Variants in RASL10B observed in about 807,000 individuals in gnomAD.
RASL10B encodes the protein ras-like protein family member 10B.
A neutral mutation model predicts 20.7 loss-of-function variants in RASL10B; 10 were observed. The observed-to-expected ratio is 0.48, with a 90% confidence interval of 0.30 to 0.82. The LOEUF (loss-of-function observed/expected upper bound fraction) is 0.82. RASL10B is among the 40% of genes least tolerant of loss of function. The pLI is 0.07. For synonymous variants in RASL10B, 110 were observed against 123.3 expected (o/e 0.89, Z 0.72); for missense variants, 231 against 295.4 (o/e 0.78, Z 1.60).
chr17:35,733,450 T>C (rs1006157670), intron 1 of RASL10B, among the ~76,000 whole-genome samples: 42 of 152,226 alleles, frequency 2.8e-4, no homozygotes, highest in African/African-American at 9.9e-4. Context: ...CTGTATTTAC[T>C]ATGCTGTGTG....
rs782064640 is a variant in RASL10B at position 35,735,222 on chromosome 17, G to A, written c.38G>A (p.Arg13Gln). The change falls in exon 2 of 4, where the codon CGA becomes CAA. Residue 13 changes from arginine (R) to glutamine (Q), a missense_variant. Arg to Gln is a conservative substitution (Grantham distance 43). Transcript: ENST00000603017. This position sits in a 1 kb window ranked among gnomAD's most constrained non-coding sequence, Gnocchi z 6.7. ...TACCGGGTGGCCGTGCTGGGGGCGC[G>A]AGGTGTGGGCAAGAGTGCCATCGTG... ...STYRVAVLGA[R>Q]GVGKSAIVRQ... The A allele has an allele frequency of 9.9e-6, 16 of 1,612,542 alleles. No individual in the cohort carries two copies. The highest frequency in any genetic ancestry group is 6.6e-5 in the South Asian group (6 of 91,090).
Position 35,736,410 on chromosome 17 carries a change from A to C in RASL10B, c.216+1010A>C, listed in dbSNP as rs369111838. On this transcript the variant is annotated intron_variant, in intron 2 of 3. Transcript: ENST00000603017. ...TGGGCTGGGAGATGGCGGGCAGCTC[A>C]GCACTCAGCACTCTCGGCAACACCA... 7.6e-4 allele frequency among the ~76,000 whole-genome samples: 116 copies of C among 152,338 alleles called. 1 individual carries two copies. The highest frequency in any genetic ancestry group is 2.7e-3 in the African/African-American group (113 of 41,578).
rs1477634097 is a variant in RASL10B, at chr17:35,742,197, G to GCAAT, written c.*894_*897dup. Reference sequence around the variant, plus strand: ...AGTCCTTTATTCCCTTCTGCATACTGCAATCTGATCTGTCAGACTGGGGAA... The same window carrying GCAAT: ...AGTCCTTTATTCCCTTCTGCATACTGCAATCAATCTGATCTGTCAGACTGGGGAA... On this transcript the variant is annotated 3_prime_UTR_variant, in exon 4 of 4. Transcript: ENST00000603017. 5 of 151,980 alleles carry GCAAT rather than the reference G, an allele frequency of 3.3e-5. No individual in the cohort carries two copies. Among genetic ancestry groups the GCAAT allele is most frequent in the South Asian group, 2.1e-4 (1 of 4,812 alleles). 9.4% of individuals were successfully genotyped at this position (151,980 alleles called of 1,614,324 possible). A position where few individuals can be genotyped will look rare whatever the true frequency, so the allele number is the denominator to read the frequency against.
At chr17:35,739,367 G>A (rs182367538) in intron 2 of RASL10B, among the ~76,000 whole-genome samples, 18 of 152,290 alleles carry the variant, frequency 1.2e-4, no homozygotes, top group African/African-American at 4.3e-4. Context: ...GTCCTTGGAG[G>A]CCTCTGTCCC....
At position 35,735,377 on chromosome 17, in the gene RASL10B, G is replaced by A. The variant is rs782263531; in HGVS notation, c.193G>A (p.Ala65Thr). 1.4e-5 allele frequency: 23 copies of A among 1,614,144 alleles called. No homozygotes were observed. The highest frequency in any genetic ancestry group is 3.3e-5 in the Admixed American group (2 of 60,024). The change falls in exon 2 of 4, where the codon GCC becomes ACC. Residue 65 changes from alanine (A) to threonine (T), a missense_variant. Coordinates refer to ENST00000603017, the MANE Select transcript of RASL10B (RefSeq NM_033315.4). The surrounding 1 kb of genome is among the most constrained non-coding windows in gnomAD (Gnocchi z 6.7). ...LQILDFPPIS[A>T]FPVNTLQEWA... ...GATCCTCGACTTTCCACCCATCAGC[G>A]CCTTCCCTGTCAATACGCTCCAGGT...
chr17:35,740,546 AAC>A lies in RASL10B; in HGVS notation c.341+17_341+18del. 1.2e-6 allele frequency: 2 copies of A among 1,611,368 alleles called. No homozygotes were observed. Among genetic ancestry groups the A allele is most frequent in the Non-Finnish European group, 1.7e-6 (2 of 1,178,380 alleles). On this transcript the variant is annotated intron_variant, in intron 3 of 3. Transcript: ENST00000603017. ...TCCTGGAGACGAGGTGAGAGGCTGG[AAC>A]ACAGTCCATTGCCACCTCTGTGGAT...
rs587700585 is a variant in RASL10B at position 35,741,274 on chromosome 17, C to G, written c.581C>G (p.Ala194Gly). 6.5e-6 allele frequency: 10 copies of G among 1,535,140 alleles called. No homozygotes were observed. Among genetic ancestry groups the G allele is most frequent in the Non-Finnish European group, 8.8e-6 (10 of 1,138,646 alleles). ...CACGCTGCCCTGCGCTTCCAGGGCGCGCTGCGCCGCAACCGCTGCGCCATC... is the reference window on the plus strand; with the variant it reads ...CACGCTGCCCTGCGCTTCCAGGGCGGGCTGCGCCGCAACCGCTGCGCCATC... ...HVHAALRFQGALRRNRCAIM is the reference protein window; with the variant it reads ...HVHAALRFQGGLRRNRCAIM Residue 194 changes from alanine (A) to glycine (G), a missense_variant, in exon 4 of 4, where the codon GCG becomes GGG. Coordinates refer to ENST00000603017, the MANE Select transcript of RASL10B (RefSeq NM_033315.4).
rs1157481319 is a variant in RASL10B, at chr17:35,731,873, C to A, written c.-153C>A. 2 of 151,698 alleles carry A rather than the reference C, an allele frequency of 1.3e-5. No individual in the cohort carries two copies. Among genetic ancestry groups the A allele is most frequent in the Admixed American group, 1.3e-4 (2 of 15,256 alleles). 9.4% of individuals were successfully genotyped at this position (151,698 alleles called of 1,614,324 possible). A position where few individuals can be genotyped will look rare whatever the true frequency, so the allele number is the denominator to read the frequency against. On this transcript the variant is annotated 5_prime_UTR_variant, in exon 1 of 4. Transcript: ENST00000603017. ...CCAGGGCAGGGGGCAGCTAGGACGG[C>A]CCCGGGTAAGCGGCGGGAGGAGGGG...
rs2085643930 is a variant in RASL10B, at chr17:35,743,500, AGT to A, written c.*2198_*2199del. 1 of 152,634 alleles carries A rather than the reference AGT, an allele frequency of 6.6e-6. No homozygotes were observed. Among genetic ancestry groups the A allele is most frequent in the African/African-American group, 2.4e-5 (1 of 41,412 alleles). 9.5% of individuals were successfully genotyped at this position (152,634 alleles called of 1,614,324 possible). On this transcript the variant is annotated 3_prime_UTR_variant, in exon 4 of 4. Transcript: ENST00000603017. ...CCCGAAGTCAGATTAAAAATCAGGG[AGT>A]GTTTTCCCTCGTTTCTGTACCAAGG...
intron 1 of RASL10B, among the ~76,000 whole-genome samples, chr17:35,734,179 G>A (rs140356528): frequency 2.0e-5 from 3 of 152,164 alleles, no homozygotes; most frequent in African/African-American, 4.8e-5. Flanking sequence ...CCAGCTACTC[G>A]GGAGGCTGAG....
rs1458694054 is a variant in RASL10B at position 35,731,871 on chromosome 17, G to T, written c.-155G>T. The T allele has an allele frequency of 6.6e-6, 1 of 151,830 alleles. No homozygotes were observed. Among genetic ancestry groups the T allele is most frequent in the Non-Finnish European group, 1.5e-5 (1 of 67,932 alleles). 9.4% of individuals were successfully genotyped at this position (151,830 alleles called of 1,614,324 possible). A position where few individuals can be genotyped will look rare whatever the true frequency, so the allele number is the denominator to read the frequency against. ...GGCCAGGGCAGGGGGCAGCTAGGAC[G>T]GCCCCGGGTAAGCGGCGGGAGGAGG... On this transcript the variant is annotated 5_prime_UTR_variant, in exon 1 of 4. Transcript: ENST00000603017.
Position 35,741,522 on chromosome 17 carries a change from C to A in RASL10B, c.*217C>A. 1.5e-6 allele frequency: 1 copy of A among 651,428 alleles called. No homozygotes were observed. The highest frequency in any genetic ancestry group is 2.3e-6 in the Non-Finnish European group (1 of 430,160). The allele number at this position is 651,428 out of a possible 1,614,324, so 40.4% of individuals were successfully genotyped here. On this transcript the variant is annotated 3_prime_UTR_variant, in exon 4 of 4. Coordinates refer to ENST00000603017, the MANE Select transcript of RASL10B (RefSeq NM_033315.4). The stretch of plus-strand genomic sequence containing the variant: ...TGCCCCCGTGGCTTCCTGGGACAGC[C>A]GCCTTCAGTGCTGTATTTAGTGCAG...
chr17:35,740,436 C>A lies in RASL10B; in HGVS notation c.244C>A (p.Leu82Ile). The change falls in exon 3 of 4, where the codon CTC becomes ATC. Residue 82 changes from leucine (L) to isoleucine (I), a missense_variant. Coordinates refer to ENST00000603017, the MANE Select transcript of RASL10B (RefSeq NM_033315.4). ...QEWADTCCRG[L>I]RSVHAYILVY... ...GTGGGCAGACACCTGCTGCAGGGGA[C>A]TCCGGAGTGTCCACGCCTACATCCT... is the stretch of plus-strand genomic sequence containing the variant. 1.2e-6 allele frequency: 2 copies of A among 1,613,974 alleles called. No homozygotes were observed. Among genetic ancestry groups the A allele is most frequent in the South Asian group, 1.1e-5 (1 of 91,080 alleles).
chr17:35,736,452 C>T (rs1555597226), intron 2 of RASL10B, among the ~76,000 whole-genome samples: 1 of 152,200 alleles, frequency 6.6e-6, no homozygotes, highest in African/African-American at 2.4e-5. Flanking sequence ...AGGGCCCTGG[C>T]CTAATCTGCC....
At chr17:35,738,837 G>A (rs782361615) in intron 2 of RASL10B, among the ~76,000 whole-genome samples, 1 of 152,094 alleles carries the variant, frequency 6.6e-6, no homozygotes, top group Non-Finnish European at 1.5e-5. Flanking sequence ...CTCAAAAGCT[G>A]GCAGCTGCTC....
rs2085586486 is a variant in RASL10B, at chr17:35,735,547, T to C, written c.216+147T>C. ...CACACTGCACCTTGGGCCACTCTGC[T>C]TAGAGCCGTTCCAGGAATCCATTCA... On this transcript the variant is annotated intron_variant, in intron 2 of 3. Transcript: ENST00000603017. The surrounding 1 kb of genome is among the most constrained non-coding windows in gnomAD (Gnocchi z 6.7). 1.4e-6 allele frequency: 1 copy of C among 698,030 alleles called. No homozygotes were observed. The highest frequency in any genetic ancestry group is 1.8e-5 in the African/African-American group (1 of 55,834). 43.2% of individuals were successfully genotyped at this position (698,030 alleles called of 1,614,324 possible).
At chr17:35,736,174 T>C (rs934942221) in intron 2 of RASL10B, among the ~76,000 whole-genome samples, 1 of 152,182 alleles carries the variant, frequency 6.6e-6, no homozygotes, top group South Asian at 2.1e-4. Flanking sequence ...CCAGGTCCTC[T>C]TGCCCTCTCT....
At chr17:35,740,655 C>A in intron 3 of RASL10B, 122 bp downstream of exon 3, 1 of 1,192,104 alleles carries the variant, frequency 8.4e-7, no homozygotes, top group Non-Finnish European at 1.2e-6. Context: ...GATTTCCACA[C>A]ATACACTCAA....
At chr17:35,737,654 C>T (rs2085601972) in intron 2 of RASL10B, among the ~76,000 whole-genome samples, 1 of 150,764 alleles carries the variant, frequency 6.6e-6, no homozygotes, top group African/African-American at 2.4e-5. Flanking sequence ...ATAATCCCAA[C>T]ACTTTGAGAG....
Sources: allele counts gnomAD v4.1 joint callset (sites outside exome capture counted in the v4.1 genomes callset), GRCh38; gene constraint gnomAD v4.1.1; non-coding constraint Gnocchi (gnomAD v3.1); transcripts MANE v1.5; gene names NCBI Gene and HGNC (gene_info 2026-07-23, HGNC 2026-07-21).